Variants in PDE4D observed in about 807,000 individuals in gnomAD.
PDE4D encodes phosphodiesterase 4D, also known as 3',5'-cyclic-AMP phosphodiesterase 4D.
A neutral mutation model predicts 87.4 loss-of-function variants in PDE4D; 24 were observed. That is an observed-to-expected ratio of 0.27 (90% confidence interval 0.20 to 0.39). PDE4D has a LOEUF of 0.39. Ranked by LOEUF, PDE4D falls within the 10% of genes least tolerant of loss-of-function variation. PDE4D has a pLI of 1.00. For synonymous variants in PDE4D, 384 were observed against 383.2 expected, an observed-to-expected ratio of 1.00 and a Z score of -0.02; for missense variants, 714 against 1,041.0, an observed-to-expected ratio of 0.69 and a Z score of 4.32.
intron 1 of PDE4D, among the ~76,000 whole-genome samples, chr5:59,287,062 G>C (rs1292743659): frequency 6.6e-6 from 1 of 152,136 alleles, no homozygotes; most frequent in Non-Finnish European, 1.5e-5. Context: ...CCAAAAATCA[G>C]CTTAGGTACC....
chr5:59,188,659 T>C (rs1175700907), intron 3 of PDE4D, among the ~76,000 whole-genome samples: 1 of 152,188 alleles, frequency 6.6e-6, no homozygotes, highest in Non-Finnish European at 1.5e-5. Context: ...GAGGTGCCAC[T>C]GGCGGCGGAG....
intron 1 of PDE4D, among the ~76,000 whole-genome samples, chr5:60,303,195 C>T (rs2149796137): frequency 6.6e-6 from 1 of 151,928 alleles, no homozygotes; most frequent in East Asian, 1.9e-4. Flanking sequence ...TCTTTTTTCT[C>T]ATTAGTTTCA....
intron 1 of PDE4D, among the ~76,000 whole-genome samples, chr5:59,702,210 C>T (rs997652238): frequency 2.0e-5 from 3 of 152,024 alleles, no homozygotes; most frequent in Non-Finnish European, 4.4e-5. Flanking sequence ...TGCAAGCTCC[C>T]CCTCCCAGGT....
At chr5:58,990,007 A>T (rs1747505559) in intron 9 of PDE4D, 88 bp from the exon 10 acceptor site, 4 of 751,752 alleles carry the variant, frequency 5.3e-6, no homozygotes, top group African/African-American at 1.8e-5. Context: ...ATCACACACC[A>T]GTGTTGCCAG....
At chr5:59,373,347 G>T (rs1784233347) in intron 1 of PDE4D, among the ~76,000 whole-genome samples, 2 of 152,290 alleles carry the variant, frequency 1.3e-5, no homozygotes, top group Middle Eastern at 3.4e-3. Flanking sequence ...CAACCTGATA[G>T]AACTGAAAAC....
intron 1 of PDE4D, among the ~76,000 whole-genome samples, chr5:60,479,901 TTA>T (rs1748598521): frequency 6.6e-6 from 1 of 152,170 alleles, no homozygotes; most frequent in Non-Finnish European, 1.5e-5. Context: ...TTCTCTCATT[TTA>T]TACATAGGTT....
chr5:60,234,771 T>C (rs1406606630), intron 1 of PDE4D, among the ~76,000 whole-genome samples: 1 of 151,894 alleles, frequency 6.6e-6, no homozygotes, highest in Non-Finnish European at 1.5e-5. Context: ...TCATTTTTGG[T>C]AGTTTCTATC....
In PDE4D at chr5:59,413,233, G is replaced by A. The variant is rs538737576; in HGVS notation, c.456-197265C>T. Among the ~76,000 whole-genome samples the A allele has an allele frequency of 8.6e-5, 13 of 152,004 alleles. No individual in the cohort carries two copies. The Middle Eastern group carries it at 0.01, about 119-fold the overall frequency. On this transcript the variant is annotated intron_variant, in intron 1 of 14. Transcript: ENST00000340635. ...AGCACTTTGGGAGGCCAAGGTGGGC[G>A]GATCACGAGGTCAGGAGATCGAGAC... is the stretch of plus-strand genomic sequence containing the variant.
intron 5 of PDE4D, among the ~76,000 whole-genome samples, chr5:59,081,297 T>C (rs1766704423): frequency 6.6e-6 from 1 of 152,148 alleles, no homozygotes; most frequent in African/African-American, 2.4e-5. Flanking sequence ...ATTCGGTTAC[T>C]GCCGTTCCTT....
chr5:59,379,952 C>G (rs781193013), intron 1 of PDE4D, among the ~76,000 whole-genome samples: 3 of 151,928 alleles, frequency 2.0e-5, no homozygotes, highest in Non-Finnish European at 4.4e-5. Flanking sequence ...AGCATTGTAC[C>G]CAGTAGGTAG....
At chr5:60,395,506 G>A (rs993682865) in intron 1 of PDE4D, among the ~76,000 whole-genome samples, 4 of 152,064 alleles carry the variant, frequency 2.6e-5, no homozygotes, top group South Asian at 2.1e-4. Flanking sequence ...GAAGGGAAGT[G>A]TAATCAAAGA....
intron 5 of PDE4D, among the ~76,000 whole-genome samples, chr5:59,094,751 CA>C (rs970933148): frequency 6.6e-6 from 1 of 151,696 alleles, no homozygotes; most frequent in Non-Finnish European, 1.5e-5. Context: ...ATGCCTGAGA[CA>C]AAAAAAGGTT....
intron 8 of PDE4D, among the ~76,000 whole-genome samples, chr5:58,991,151 G>A (rs1747819103): frequency 6.6e-6 from 1 of 152,210 alleles, no homozygotes; most frequent in South Asian, 2.1e-4. Context: ...GTGTGGTGGT[G>A]TGTGCCTGTA....
intron 1 of PDE4D, among the ~76,000 whole-genome samples, chr5:60,335,883 T>C (rs1233239143): frequency 6.6e-6 from 1 of 152,202 alleles, no homozygotes; most frequent in Non-Finnish European, 1.5e-5. Context: ...AAACCAAAGA[T>C]GCTATTTTTA....
chr5:60,160,733 T>C (rs947413537), intron 2 of PDE4D: 2 of 424,678 alleles, frequency 4.7e-6, no homozygotes, highest in Admixed American at 2.8e-5. Context: ...TTTAAGAATA[T>C]ACAACAGAAG....
intron 3 of PDE4D, among the ~76,000 whole-genome samples, chr5:59,966,305 C>T (rs183641074): frequency 8.7e-4 from 132 of 152,246 alleles, no homozygotes; most frequent in Non-Finnish European, 1.4e-3. Context: ...AGCTTTTCTT[C>T]GTCTAGAGCC....
chr5:60,192,326 A>T (rs1011836981), intron 1 of PDE4D, among the ~76,000 whole-genome samples: 1 of 152,176 alleles, frequency 6.6e-6, no homozygotes, highest in African/African-American at 2.4e-5. Context: ...TGCATTTCAT[A>T]TATTGCTGAT....
chr5:59,931,273 A>G (rs1339246783), intron 3 of PDE4D, among the ~76,000 whole-genome samples: 2 of 152,212 alleles, frequency 1.3e-5, no homozygotes, highest in Admixed American at 1.3e-4. Context: ...TTCTTTCAAA[A>G]TAGTATTTGT....
intron 2 of PDE4D, among the ~76,000 whole-genome samples, chr5:59,198,474 G>A (rs957918345): frequency 1.3e-5 from 2 of 152,188 alleles, no homozygotes; most frequent in Admixed American, 6.5e-5. Flanking sequence ...GTGGGAGTCA[G>A]TGTCACATTG....
Sources: gnomAD v4.1 joint callset for allele counts (sites outside exome capture counted in the v4.1 genomes callset) on GRCh38, gnomAD v4.1.1 for gene constraint, MANE v1.5 for transcripts, NCBI Gene and HGNC (gene_info 2026-07-23, HGNC 2026-07-21) for gene names.